The following PRMT3 variants were observed in gnomAD, a reference collection of about 807,000 sequenced individuals.
The protein encoded by PRMT3 is protein arginine N-methyltransferase 3.
In PRMT3, 62 loss-of-function variants were observed where a neutral mutation model predicts 71.9. The ratio of observed to expected loss-of-function variants is 0.86; its 90% CI spans 0.70 to 1.07. The LOEUF (loss-of-function observed/expected upper bound fraction) is 1.07, where lower values mean the gene tolerates loss of function less well. Among genes scored for constraint, PRMT3 ranks in the 50% least tolerant of loss-of-function variants. The pLI is 0.00. For synonymous variants in PRMT3, 213 were observed against 220.4 expected (o/e 0.97, Z 0.30); for missense variants, 663 against 643.0 (o/e 1.03, Z -0.34).
intron 10 of PRMT3, among the ~76,000 whole-genome samples, chr11:20,447,377 C>G (rs1850054331): frequency 6.6e-6 from 1 of 151,802 alleles, no homozygotes; most frequent in Non-Finnish European, 1.5e-5. Flanking sequence ...TGAGTAGAGC[C>G]CAGGAATGCT....
chr11:20,407,489 T>G (rs1000232884), intron 8 of PRMT3: 1 of 157,992 alleles, frequency 6.3e-6, no homozygotes, highest in African/African-American at 2.4e-5. Flanking sequence ...TTCTTAATGT[T>G]TATAAAAGTA....
At chr11:20,433,636 T>C (rs1190063402) in intron 10 of PRMT3, among the ~76,000 whole-genome samples, 1 of 152,128 alleles carries the variant, frequency 6.6e-6, no homozygotes, top group African/African-American at 2.4e-5. Flanking sequence ...TTTTGTTTTT[T>C]TTAAGATAGG....
At chr11:20,492,998 A>G (rs988543467) in intron 13 of PRMT3, among the ~76,000 whole-genome samples, 6 of 152,078 alleles carry the variant, frequency 3.9e-5, no homozygotes, top group African/African-American at 1.2e-4. Context: ...TAAAAATATA[A>G]AAGCCAGGTG....
chr11:20,427,942 A>G (rs1018768887), intron 10 of PRMT3, among the ~76,000 whole-genome samples: 1 of 152,266 alleles, frequency 6.6e-6, no homozygotes, highest in Non-Finnish European at 1.5e-5. Flanking sequence ...TTGAATAAAC[A>G]TAGTTATAAT....
intron 14 of PRMT3, 48 bp downstream of exon 14, chr11:20,494,017 A>C (rs1851274669): frequency 6.7e-7 from 1 of 1,487,654 alleles, no homozygotes; most frequent in Non-Finnish European, 9.3e-7. Context: ...ACAGAAGTAC[A>C]TTATATTTTA....
intron 10 of PRMT3, among the ~76,000 whole-genome samples, chr11:20,430,686 G>A (rs922830056): frequency 1.3e-5 from 2 of 152,014 alleles, no homozygotes; most frequent in Non-Finnish European, 2.9e-5. Flanking sequence ...TAACATGTCT[G>A]TCATCTCACA....
chr11:20,498,915 T>C (rs2403600), intron 15 of PRMT3, among the ~76,000 whole-genome samples: 125,850 of 152,144 alleles, frequency 0.83, 53,693 homozygotes, highest in Non-Finnish European at 0.95. Context: ...AGACTGGAAA[T>C]ATAAGACATG....
At chr11:20,420,579 C>G (rs549011353) in intron 9 of PRMT3, among the ~76,000 whole-genome samples, 3 of 152,106 alleles carry the variant, frequency 2.0e-5, no homozygotes, top group African/African-American at 4.8e-5. Flanking sequence ...TGCGAGGGAT[C>G]TAGGTCGTGC....
intron 11 of PRMT3, among the ~76,000 whole-genome samples, chr11:20,455,412 G>C (rs1850246416): frequency 6.6e-6 from 1 of 152,134 alleles, no homozygotes; most frequent in African/African-American, 2.4e-5. Context: ...ATTAAATTGA[G>C]TGATGAGGTT....
Position 20,432,290 on chromosome 11 carries a change from TAAA to T in PRMT3, c.993+5428_993+5430del, listed in dbSNP as rs1849670574. On this transcript the variant is annotated intron_variant, in intron 10 of 15. Transcript: ENST00000331079. The stretch of plus-strand genomic sequence containing the variant: ...TAAACTCTAAAATTGTATAACAACT[TAAA>T]AATATTTTATCAGTAATACTGTTTA... 1.3e-5 allele frequency among the ~76,000 whole-genome samples: 2 copies of T among 152,126 alleles called. 1 individual carries two copies. The highest frequency in any genetic ancestry group is 4.1e-4 in the South Asian group (2 of 4,834).
intron 10 of PRMT3, among the ~76,000 whole-genome samples, chr11:20,441,311 ATT>A (rs1223435028): frequency 1.4e-5 from 2 of 141,486 alleles, no homozygotes; most frequent in African/African-American, 2.8e-5. Context: ...TTATTTATTT[ATT>A]TATATATTTT....
At chr11:20,483,744 T>C (rs1851003010) in intron 13 of PRMT3, among the ~76,000 whole-genome samples, 1 of 152,162 alleles carries the variant, frequency 6.6e-6, no homozygotes, top group Non-Finnish European at 1.5e-5. Flanking sequence ...TGCTCTATAA[T>C]AGAATAGCAG....
chr11:20,465,453 T>C (rs1020391539), intron 13 of PRMT3, among the ~76,000 whole-genome samples: 10 of 152,018 alleles, frequency 6.6e-5, no homozygotes, highest in Non-Finnish European at 2.9e-5. Context: ...GTAAAATAGA[T>C]TATAAGTCAT....
intron 13 of PRMT3, among the ~76,000 whole-genome samples, chr11:20,485,142 A>G (rs1851040847): frequency 6.6e-6 from 1 of 152,152 alleles, no homozygotes; most frequent in Admixed American, 6.5e-5. Flanking sequence ...GGACTACAGC[A>G]CAGCTTCAAG....
intron 7 of PRMT3, 55 bp from the exon 8 acceptor site, chr11:20,402,864 A>G: frequency 7.1e-7 from 1 of 1,411,876 alleles, no homozygotes; most frequent in Non-Finnish European, 9.9e-7. Context: ...TCCCTTAAAA[A>G]ATTTATTTGT....
intron 13 of PRMT3, among the ~76,000 whole-genome samples, chr11:20,485,414 T>C (rs1384538755): frequency 1.3e-5 from 2 of 152,096 alleles, no homozygotes; most frequent in African/African-American, 4.8e-5. Flanking sequence ...CTCCAGGAAT[T>C]AGTTATAGCA....
chr11:20,477,375 A>T (rs948256068), intron 13 of PRMT3, among the ~76,000 whole-genome samples: 1 of 152,020 alleles, frequency 6.6e-6, no homozygotes, highest in Non-Finnish European at 1.5e-5. Flanking sequence ...CAGGGGTTCA[A>T]CACCAGCCCA....
intron 10 of PRMT3, among the ~76,000 whole-genome samples, chr11:20,436,431 T>C (rs975297220): frequency 3.9e-5 from 6 of 152,160 alleles, no homozygotes; most frequent in Non-Finnish European, 5.9e-5. Context: ...GGTTTGTCAT[T>C]GATGGCCTGT....
intron 9 of PRMT3, among the ~76,000 whole-genome samples, chr11:20,412,548 A>G (rs1391452462): frequency 1.3e-5 from 2 of 151,940 alleles, no homozygotes; most frequent in Non-Finnish European, 2.9e-5. Flanking sequence ...GATTTTTTTT[A>G]TACATTTCCC....
Sources: allele counts gnomAD v4.1 joint callset (sites outside exome capture counted in the v4.1 genomes callset), GRCh38; gene constraint gnomAD v4.1.1; transcripts MANE v1.5; gene names NCBI Gene and HGNC (gene_info 2026-07-23, HGNC 2026-07-21).